KSR2: variants seen among roughly 807,000 people sequenced by gnomAD.
The protein encoded by KSR2 is kinase suppressor of ras 2.
Under a neutral mutation model 107.8 loss-of-function variants are expected in KSR2, and 25 were observed. The ratio of observed to expected loss-of-function variants is 0.23; its 90% CI spans 0.17 to 0.32. The LOEUF (loss-of-function observed/expected upper bound fraction) is 0.32. KSR2 is among the 10% of genes least tolerant of loss of function. The pLI is 1.00. For missense variants in KSR2, 887 were observed against 1,268.9 expected, an observed-to-expected ratio of 0.70 and a Z score of 4.57; for synonymous variants, 480 against 507.0, an observed-to-expected ratio of 0.95 and a Z score of 0.71.
At position 117,667,528 on chromosome 12, in the gene KSR2, C is replaced by A. The variant is rs376902515; in HGVS notation, c.1117G>T (p.Ala373Ser). 6 of 1,612,514 alleles carry A rather than the reference C, an allele frequency of 3.7e-6. No homozygotes were observed. In the South Asian group the frequency reaches 4.4e-5, roughly 12 times the overall value. Residue 373 changes from alanine (A) to serine (S), a missense_variant, in exon 5 of 20, where the codon GCA (alanine) becomes TCA (serine). Transcript: ENST00000339824. ...RSLRSFFVGH[A>S]PFLPSTPPVH... is the part of the protein sequence containing the mutation. ...GGAGGGGTGGAAGGCAGGAAAGGTG[C>A]GTGTCCCACAAAGAAGGAGCGGAGG...
chr12:117,653,881 G>C (rs1276462929), intron 5 of KSR2, among the ~76,000 whole-genome samples: 2 of 152,172 alleles, frequency 1.3e-5, no homozygotes, highest in Non-Finnish European at 2.9e-5. Context: ...ACAGGTCCAG[G>C]CTGCTGTGCA....
intron 3 of KSR2, among the ~76,000 whole-genome samples, chr12:117,793,770 GCAACATGCACACAC>G (rs1385796405): frequency 8.0e-5 from 8 of 99,642 alleles, no homozygotes; most frequent in Middle Eastern, 0.013. Context: ...ATGCACACAT[GCAACATGCACACAC>G]CAACATGCAC....
At chr12:117,734,747 T>G (rs1887874258) in intron 4 of KSR2, among the ~76,000 whole-genome samples, 1 of 151,304 alleles carries the variant, frequency 6.6e-6, no homozygotes, top group Non-Finnish European at 1.5e-5. Context: ...CATGCATGCA[T>G]GCATGCATGG....
chr12:117,621,201 GCT>G (rs1460633321), intron 5 of KSR2, among the ~76,000 whole-genome samples: 2 of 152,110 alleles, frequency 1.3e-5, no homozygotes, highest in African/African-American at 4.8e-5. Flanking sequence ...GCTTTCACAT[GCT>G]CTCTCTTACC....
At chr12:117,931,691 C>A (rs1044513494) in intron 1 of KSR2, among the ~76,000 whole-genome samples, 2 of 152,208 alleles carry the variant, frequency 1.3e-5, no homozygotes, top group Non-Finnish European at 2.9e-5. Flanking sequence ...GAGCCCAAAC[C>A]ATAGGAACAA....
chr12:117,778,387 G>A (rs973538694), intron 3 of KSR2, among the ~76,000 whole-genome samples: 4 of 152,124 alleles, frequency 2.6e-5, no homozygotes, highest in Non-Finnish European at 4.4e-5. Context: ...TACTGCACCC[G>A]GCCGAAACAA....
chr12:117,793,430 CACCAACATGCACACTCAA>C (rs1256399969), intron 3 of KSR2, among the ~76,000 whole-genome samples: 12 of 150,972 alleles, frequency 7.9e-5, no homozygotes, highest in South Asian at 2.1e-4. Context: ...AATGCACACA[CACCAACATGCACACTCAA>C]ACCAACATGC....
In KSR2 at chr12:117,608,055, A is replaced by G. The variant is rs77701123; in HGVS notation, c.1172-25696T>C. ...TGAGGGGAGGAAACTGGATGCTTTT[A>G]CCAAACTGTGGAGAGAAGGCAGCAA... On this transcript the variant is annotated intron_variant, in intron 5 of 19. Coordinates refer to ENST00000339824, the MANE Select transcript of KSR2 (RefSeq NM_173598.6). Among the ~76,000 whole-genome samples the G allele has an allele frequency of 1.2e-3, 183 of 152,336 alleles. 1 individual carries two copies. Among genetic ancestry groups the G allele is most frequent in the African/African-American group, 4.2e-3 (175 of 41,582 alleles).
In KSR2 at chr12:117,862,324, C is replaced by T. The variant is rs545052296; in HGVS notation, c.181-1893G>A. ...TGGAGGTGTCTGTGGCATTTTAAAACACAGTCAACCAACATTTATCAAGAA... is the reference window on the plus strand; with the variant it reads ...TGGAGGTGTCTGTGGCATTTTAAAATACAGTCAACCAACATTTATCAAGAA... On this transcript the variant is annotated intron_variant, in intron 1 of 19. Transcript: ENST00000339824. Among the ~76,000 whole-genome samples the T allele has an allele frequency of 5.9e-5, 9 of 152,110 alleles. 1 individual carries two copies. In the South Asian group the frequency reaches 1.9e-3, roughly 32 times the overall value.
At chr12:117,878,989 A>G (rs1893951243) in intron 1 of KSR2, among the ~76,000 whole-genome samples, 1 of 152,044 alleles carries the variant, frequency 6.6e-6, no homozygotes, top group Admixed American at 6.6e-5. Context: ...GTGGATAAAA[A>G]ATCCAGACAA....
At chr12:117,568,297 T>C (rs1215059362) in intron 7 of KSR2, among the ~76,000 whole-genome samples, 1 of 152,164 alleles carries the variant, frequency 6.6e-6, no homozygotes, top group African/African-American at 2.4e-5. Context: ...CATCTTTCAA[T>C]TCAAGAAAGG....
chr12:117,931,482 T>C (rs1259980751), intron 1 of KSR2, among the ~76,000 whole-genome samples: 1 of 152,180 alleles, frequency 6.6e-6, no homozygotes, highest in Non-Finnish European at 1.5e-5. Flanking sequence ...CGCCTGGATG[T>C]GGGGCACAAT....
intron 5 of KSR2, among the ~76,000 whole-genome samples, chr12:117,638,900 A>C (rs1883228853): frequency 6.6e-6 from 1 of 152,132 alleles, no homozygotes; most frequent in African/African-American, 2.4e-5. Flanking sequence ...TAATGCAATA[A>C]TTTTTTAAAA....
At chr12:117,520,030 T>C (rs973711170) in intron 14 of KSR2, among the ~76,000 whole-genome samples, 1 of 152,092 alleles carries the variant, frequency 6.6e-6, no homozygotes, top group Admixed American at 6.6e-5. Context: ...TTTCTCCAGG[T>C]GATTGTGATA....
At chr12:117,828,368 G>A (rs748012110) in intron 3 of KSR2, among the ~76,000 whole-genome samples, 2 of 152,238 alleles carry the variant, frequency 1.3e-5, no homozygotes, top group Non-Finnish European at 2.9e-5. Context: ...ACGGCAGCAC[G>A]TAAAAGCCCT....
rs532297185 is a variant in KSR2, at chr12:117,569,972, A to AC, written c.1325+9146dup. Among the ~76,000 whole-genome samples, 71 of 148,600 alleles carry AC rather than the reference A, an allele frequency of 4.8e-4. 3 individuals are homozygous for AC. The South Asian group carries it at 0.014, about 30-fold the overall frequency. On this transcript the variant is annotated intron_variant, in intron 7 of 19. Transcript: ENST00000339824. ...TAGCTCTCTCCTGGGGGCAGTTTGG[A>AC]CCCCCAGGGAACATTTGGCAATGTC...
intron 3 of KSR2, among the ~76,000 whole-genome samples, chr12:117,807,802 A>G (rs1891062808): frequency 6.6e-6 from 1 of 152,238 alleles, no homozygotes; most frequent in Non-Finnish European, 1.5e-5. Context: ...GAGTAAGTGG[A>G]GATAGGTAAT....
At chr12:117,746,497 A>G (rs958159771) in intron 4 of KSR2, among the ~76,000 whole-genome samples, 1 of 152,222 alleles carries the variant, frequency 6.6e-6, no homozygotes, top group Non-Finnish European at 1.5e-5. Flanking sequence ...AAACTTAGGC[A>G]ATACCATTCA....
intron 3 of KSR2, among the ~76,000 whole-genome samples, chr12:117,818,445 G>A (rs1891452300): frequency 6.6e-6 from 1 of 152,130 alleles, no homozygotes; most frequent in Non-Finnish European, 1.5e-5. Flanking sequence ...GAATAAAAAT[G>A]GCAAGGTTGC....
Sources: allele counts gnomAD v4.1 joint callset (sites outside exome capture counted in the v4.1 genomes callset), GRCh38; gene constraint gnomAD v4.1.1; transcripts MANE v1.5; gene names NCBI Gene and HGNC (gene_info 2026-07-23, HGNC 2026-07-21).